The following CCNY variants were observed in gnomAD, a reference collection of about 807,000 sequenced individuals.
CCNY encodes cyclin Y, also known as cyclin-Y.
A neutral mutation model predicts 42.8 loss-of-function variants in CCNY; 19 were observed. That is an observed-to-expected ratio of 0.44 (90% confidence interval 0.31 to 0.65). The LOEUF (loss-of-function observed/expected upper bound fraction) is 0.65. Ranked by LOEUF, CCNY falls within the 30% of genes least tolerant of loss-of-function variation. The pLI, the probability that CCNY is intolerant of heterozygous loss-of-function variation, is 0.07. For synonymous variants in CCNY, 165 were observed against 162.7 expected (o/e 1.01, Z -0.11); for missense variants, 370 against 437.3 (o/e 0.85, Z 1.37).
chr10:35,342,208 A>G (rs914120124), intron 1 of CCNY, among the ~76,000 whole-genome samples: 19 of 152,200 alleles, frequency 1.2e-4, no homozygotes, highest in Admixed American at 1.2e-3. Context: ...CTGTAGGATG[A>G]GCTTGCATAT....
At chr10:35,533,396 A>G (rs1840812292) in intron 7 of CCNY, among the ~76,000 whole-genome samples, 1 of 152,118 alleles carries the variant, frequency 6.6e-6, no homozygotes, top group African/African-American at 2.4e-5. Context: ...GACGGGGCCT[A>G]GCAAGATTAA....
intron 1 of CCNY, among the ~76,000 whole-genome samples, chr10:35,369,173 A>G (rs143420524): frequency 8.6e-4 from 131 of 152,334 alleles, no homozygotes; most frequent in African/African-American, 3.1e-3. Context: ...GACAGCATTC[A>G]TTAAGAGTGT....
chr10:35,465,938 A>AGAGAGAGAGAGTGTGTGTGT, intron 1 of CCNY, among the ~76,000 whole-genome samples: 6 of 80,960 alleles, frequency 7.4e-5, no homozygotes, highest in African/African-American at 1.8e-4. Flanking sequence ...AGAGAGAGAG[A>AGAGAGAGAGAGTGTGTGTGT]GTGTGTGTGT....
intron 1 of CCNY, among the ~76,000 whole-genome samples, chr10:35,406,382 C>T (rs1479725789): frequency 5.3e-5 from 8 of 151,820 alleles, no homozygotes; most frequent in African/African-American, 1.2e-4. Flanking sequence ...TGTGGCCTTC[C>T]GCAGTGTTTG....
At chr10:35,515,515 A>G (rs185637958) in intron 3 of CCNY, among the ~76,000 whole-genome samples, 121 of 152,270 alleles carry the variant, frequency 7.9e-4, no homozygotes, top group Non-Finnish European at 1.4e-3. Flanking sequence ...TTCCTTTACT[A>G]AATTTGTGAA....
In CCNY at chr10:35,444,249, C is replaced by CTT. The variant is rs1323493317; in HGVS notation, c.155-39140_155-39139dup. Among the ~76,000 whole-genome samples, 73 of 136,556 alleles carry CTT rather than the reference C, an allele frequency of 5.3e-4. 1 individual carries two copies. Among genetic ancestry groups the CTT allele is most frequent in the South Asian group, 1.6e-3 (7 of 4,274 alleles). The allele number at this position is 136,556 out of a possible 152,430, so 89.6% of individuals were successfully genotyped here. On this transcript the variant is annotated intron_variant, in intron 1 of 9. Transcript: ENST00000374704. ...TGTTTCACAGTTAACTGTTTTTTGG[C>CTT]TTTTTTTTTTTTTTTTGGAGACGGA...
intron 1 of CCNY, among the ~76,000 whole-genome samples, chr10:35,392,259 G>C (rs1360310440): frequency 6.6e-6 from 1 of 152,122 alleles, no homozygotes; most frequent in African/African-American, 2.4e-5. Flanking sequence ...TCATTTGAAA[G>C]AAATTTTTAT....
At chr10:35,478,805 A>G (rs970682922) in intron 1 of CCNY, among the ~76,000 whole-genome samples, 1 of 152,240 alleles carries the variant, frequency 6.6e-6, no homozygotes, top group Non-Finnish European at 1.5e-5. Flanking sequence ...TAATTAAACT[A>G]AAGAGCTTCT....
At chr10:35,349,469 A>G (rs1181049618) in intron 1 of CCNY, among the ~76,000 whole-genome samples, 1 of 152,216 alleles carries the variant, frequency 6.6e-6, no homozygotes, top group Non-Finnish European at 1.5e-5. Flanking sequence ...TACAATATTG[A>G]TGCCAACCAG....
intron 3 of CCNY, among the ~76,000 whole-genome samples, chr10:35,262,925 GA>G (rs35835078): frequency 3.4e-5 from 5 of 147,726 alleles, no homozygotes; most frequent in South Asian, 4.3e-4. Flanking sequence ...GTTCTAAAAG[GA>G]AAAAAAAAAG....
intron 3 of CCNY, among the ~76,000 whole-genome samples, chr10:35,280,493 AGG>A (rs1835288532): frequency 6.6e-6 from 1 of 151,670 alleles, no homozygotes; most frequent in Non-Finnish European, 1.5e-5. Flanking sequence ...GAAGGAAGGA[AGG>A]AAGGAAGGAA....
In CCNY at chr10:35,484,792, A is replaced by C. The variant is rs181728540; in HGVS notation, c.229+1314A>C. Among the ~76,000 whole-genome samples the C allele has an allele frequency of 9.9e-4, 151 of 152,344 alleles. 1 individual carries two copies. The highest frequency in any genetic ancestry group is 5.0e-3 in the Admixed American group (76 of 15,310). ...CAAAGCTGGCTTACTTTCGGGTTTCATTCTTGCTTCTTGTGAACTCAGAGT... is the reference window on the plus strand; with the variant it reads ...CAAAGCTGGCTTACTTTCGGGTTTCCTTCTTGCTTCTTGTGAACTCAGAGT... On this transcript the variant is annotated intron_variant, in intron 2 of 9. Transcript: ENST00000374704.
chr10:35,501,442 C>T lies in CCNY; in HGVS notation c.230-59C>T, dbSNP rs1840108513. 2.0e-6 allele frequency: 3 copies of T among 1,488,550 alleles called. No individual in the cohort carries two copies. The Admixed American group carries it at 5.0e-5, about 25-fold the overall frequency. 92.2% of individuals were successfully genotyped at this position (1,488,550 alleles called of 1,614,324 possible). On this transcript the variant is annotated intron_variant, in intron 2 of 9. Transcript: ENST00000374704. ...GACACAGAGGCCCAGTCCTCATCCA[C>T]CTGCCAGGGGTTGGCATGCAGGCAT...
intron 3 of CCNY, among the ~76,000 whole-genome samples, chr10:35,251,961 T>C (rs1453411715): frequency 1.3e-5 from 2 of 152,158 alleles, no homozygotes; most frequent in Non-Finnish European, 2.9e-5. Flanking sequence ...GGTGCTTTTC[T>C]ATTTTCTGCA....
chr10:35,433,662 AGT>A (rs1838462353), intron 1 of CCNY, among the ~76,000 whole-genome samples: 1 of 152,186 alleles, frequency 6.6e-6, no homozygotes, highest in Non-Finnish European at 1.5e-5. Flanking sequence ...CCCAGGCTGG[AGT>A]ACAGTGGTGC....
intron 5 of CCNY, among the ~76,000 whole-genome samples, chr10:35,526,306 ATGTC>A (rs1471260763): frequency 6.6e-6 from 1 of 152,162 alleles, no homozygotes; most frequent in Admixed American, 6.5e-5. Flanking sequence ...CTTTTGTAAA[ATGTC>A]ACTTTAAAAG....
At chr10:35,561,629 A>G (rs1358789937) in intron 8 of CCNY, among the ~76,000 whole-genome samples, 2 of 152,048 alleles carry the variant, frequency 1.3e-5, no homozygotes, top group Non-Finnish European at 2.9e-5. Flanking sequence ...TCTTCTAGGT[A>G]CCCTTCTTCC....
chr10:35,403,134 G>T (rs906804114), intron 1 of CCNY, among the ~76,000 whole-genome samples: 1 of 151,800 alleles, frequency 6.6e-6, no homozygotes, highest in African/African-American at 2.4e-5. Context: ...GGTGGGGTGG[G>T]GGGGGTTGGC....
At chr10:35,278,939 C>T (rs575977349) in intron 3 of CCNY, among the ~76,000 whole-genome samples, 374 of 152,180 alleles carry the variant, frequency 2.5e-3, no homozygotes, top group Non-Finnish European at 2.6e-3. Context: ...TCTATTGGCC[C>T]ATTCTCATCA....
Sources: gnomAD v4.1 joint callset for allele counts (sites outside exome capture counted in the v4.1 genomes callset) on GRCh38, gnomAD v4.1.1 for gene constraint, MANE v1.5 for transcripts, NCBI Gene and HGNC (gene_info 2026-07-23, HGNC 2026-07-21) for gene names.